The following DGKQ variants were observed in gnomAD, a reference collection of about 807,000 sequenced individuals.
The protein encoded by DGKQ is diacylglycerol kinase theta.
Under a neutral mutation model 104.2 loss-of-function variants are expected in DGKQ, and 97 were observed. That is an observed-to-expected ratio of 0.93 (90% CI 0.79 to 1.10). DGKQ has a LOEUF of 1.10. DGKQ is among the 50% of genes least tolerant of loss of function. The probability of loss-of-function intolerance (pLI) is 0.00; values close to 1 mark genes in which losing one functional copy is unlikely to be tolerated. For missense variants in DGKQ, 1,465 were observed against 1,352.1 expected, an observed-to-expected ratio of 1.08 and a Z score of -1.31; for synonymous variants, 736 against 595.2, an observed-to-expected ratio of 1.24 and a Z score of -3.44.
chr4:971,580 G>A lies in DGKQ; in HGVS notation c.272-508C>T, dbSNP rs1368867017. ...GTGAGGGCTCTGGGAGGCAGGAGCCGCTGGGGAGTGGACAGCCCCAAGCCT... is the reference window on the plus strand; with the variant it reads ...GTGAGGGCTCTGGGAGGCAGGAGCCACTGGGGAGTGGACAGCCCCAAGCCT... On this transcript the variant is annotated intron_variant, in intron 1 of 22. Transcript: ENST00000273814. The surrounding 1 kb of genome is among the most constrained non-coding windows in gnomAD (Gnocchi z 4.0). Among the ~76,000 whole-genome samples, 5 of 152,318 alleles carry A rather than the reference G, an allele frequency of 3.3e-5. No individual in the cohort carries two copies. The highest frequency in any genetic ancestry group is 1.9e-4 in the East Asian group (1 of 5,186).
chr4:963,567 C>A (rs1712055805), intron 15 of DGKQ, among the ~76,000 whole-genome samples: 1 of 152,236 alleles, frequency 6.6e-6, no homozygotes, highest in Non-Finnish European at 1.5e-5. Context: ...CACTGAGCTG[C>A]GTGTGAACAG....
At position 967,746 on chromosome 4, in the gene DGKQ, G is replaced by A; in HGVS notation, c.868C>T (p.Gln290Ter). 2.5e-6 allele frequency: 4 copies of A among 1,610,858 alleles called. No homozygotes were observed. The highest frequency in any genetic ancestry group is 3.4e-6 in the Non-Finnish European group (4 of 1,179,076). Residue 290 changes from glutamine (Q) to a stop codon, truncating the protein, a stop_gained, in exon 7 of 23, where the codon CAG becomes TAG. Transcript: ENST00000273814. LOFTEE classifies it high-confidence loss of function. ...SAAVGPGRETQATPESGKQTL... is the reference protein window; with the variant it reads ...SAAVGPGRET Reference sequence around the variant, plus strand: ...CACTTACCGGACTCCGGAGTTGCCTGTGTCTCTCTGCCTGGACCCACGGCA... The same window carrying A: ...CACTTACCGGACTCCGGAGTTGCCTATGTCTCTCTGCCTGGACCCACGGCA...
At position 961,475 on chromosome 4, in the gene DGKQ, C is replaced by T. The variant is rs201971574; in HGVS notation, c.2566G>A (p.Val856Met). The T allele has an allele frequency of 2.3e-4, 374 of 1,598,178 alleles. 7 individuals carry two copies. In the Admixed American group the frequency reaches 5.8e-3, roughly 25 times the overall value. The part of the protein sequence containing the change: ...LLEVVGVTGV[V>M]HMGQVQGGLR... ...CTCGGCCGGCGGCTCACCATGTGCA[C>T]GACGCCCGTCACGCCCACAACCTCC... The change falls in exon 21 of 23, where the codon GTG (valine) becomes ATG (methionine). Residue 856 changes from valine (V) to methionine (M), a missense_variant. Physicochemically the swap from Val to Met is conservative, Grantham distance 21. Transcript: ENST00000273814.
At chr4:969,002 C>A (rs1028298278) in intron 2 of DGKQ, 92 bp from the exon 3 acceptor site, 47 of 836,762 alleles carry the variant, frequency 5.6e-5, no homozygotes, top group Non-Finnish European at 7.6e-5. Context: ...CTCTGCAGCT[C>A]ACGCTCCTGC....
At position 967,006 on chromosome 4, in the gene DGKQ, G is replaced by A. The variant is rs13435712; in HGVS notation, c.1269C>T (p.Ala423=). Residue 423 remains alanine (A), a synonymous_variant, in exon 10 of 23, where the codon GCC becomes GCT. Coordinates refer to ENST00000273814, the MANE Select transcript of DGKQ (RefSeq NM_001347.4). ...VSVRVTPKST[A]RSVVLEVLPL... The stretch of plus-strand genomic sequence containing the variant: ...GCAGGACCTCCAGCACCACAGAGCG[G>A]GCCGTGCTCTTCGGGGTCACTCGCA... 8.0e-3 allele frequency: 12,531 copies of A among 1,565,530 alleles called. 586 individuals are homozygous for A. In the South Asian group the frequency reaches 0.093, roughly 12 times the overall value.
intron 2 of DGKQ, among the ~76,000 whole-genome samples, chr4:969,540 G>C (rs1712756510): frequency 6.6e-6 from 1 of 152,050 alleles, no homozygotes; most frequent in Admixed American, 6.5e-5. Context: ...TACACAGAAA[G>C]ACCGTGTTCC....
chr4:961,602 A>G (rs762711849), intron 20 of DGKQ, 24 bp from the exon 21 acceptor site: 50 of 1,609,970 alleles, frequency 3.1e-5, no homozygotes, highest in African/African-American at 1.3e-5. Flanking sequence ...GAGCGGGCAC[A>G]GAGGTGTAGG....
At position 960,251 on chromosome 4, in the gene DGKQ, C is replaced by T; in HGVS notation, c.*369G>A. ...AGATCAGACCCACCTGGACGGCCTGCATCCAGCACTGTCCAGCTCAAGGGG... is the reference window on the plus strand; with the variant it reads ...AGATCAGACCCACCTGGACGGCCTGTATCCAGCACTGTCCAGCTCAAGGGG... On this transcript the variant is annotated 3_prime_UTR_variant, in exon 23 of 23. Transcript: ENST00000273814. The T allele has an allele frequency of 7.7e-6, 2 of 258,364 alleles. No homozygotes were observed. The highest frequency in any genetic ancestry group is 1.5e-5 in the Non-Finnish European group (2 of 132,700). 16.0% of individuals were successfully genotyped at this position (258,364 alleles called of 1,614,324 possible). A position where few individuals can be genotyped will look rare whatever the true frequency, so the allele number is the denominator to read the frequency against.
Position 968,360 on chromosome 4 carries a change from C to G in DGKQ, c.585G>C (p.Ala195=), listed in dbSNP as rs373256439. 3 of 1,552,030 alleles carry G rather than the reference C, an allele frequency of 1.9e-6. No homozygotes were observed. Among genetic ancestry groups the G allele is most frequent in the Non-Finnish European group, 2.6e-6 (3 of 1,150,698 alleles). Residue 195 remains alanine, a synonymous_variant, in exon 5 of 23, where the codon GCG becomes GCC. Transcript: ENST00000273814. The part of the protein sequence containing the change: ...HWREGNLPSG[A]RCEVCRKTCG... ...ACGTCTTCCTGCAGACCTCGCAGCGCGCTCCCGAGGGCAGGTTCCCCTCCC... is the reference window on the plus strand; with the variant it reads ...ACGTCTTCCTGCAGACCTCGCAGCGGGCTCCCGAGGGCAGGTTCCCCTCCC...
intron 2 of DGKQ, 135 bp downstream of exon 2, chr4:970,858 G>T: frequency 1.6e-6 from 1 of 635,408 alleles, no homozygotes; most frequent in South Asian, 1.9e-5. Context: ...TTTTAATCCC[G>T]AGCAGTATCT....
chr4:966,340 T>C, intron 12 of DGKQ, 126 bp downstream of exon 12: 1 of 1,110,978 alleles, frequency 9.0e-7, no homozygotes, highest in Non-Finnish European at 1.3e-6. Flanking sequence ...GGCGCTGCCC[T>C]GTCAGCCAGG....
rs1255605677 is a variant in DGKQ at position 967,222 on chromosome 4, C to T, written c.1127G>A (p.Ser376Asn). ...TGGCGTGGCCTCGCCGGACCCGGGG[C>T]TTCTGCCCTCCTCCGAGATCACAGC... The part of the protein sequence containing the change: ...GSAVISEEGR[S>N]PGSGEATPEA... Residue 376 changes from serine to asparagine, a missense_variant, in exon 9 of 23, where the codon AGC (serine) becomes AAC (asparagine). Coordinates refer to ENST00000273814, the MANE Select transcript of DGKQ (RefSeq NM_001347.4). The T allele has an allele frequency of 9.5e-6, 15 of 1,578,994 alleles. No individual in the cohort carries two copies. Among genetic ancestry groups the T allele is most frequent in the African/African-American group, 1.3e-5 (1 of 74,342 alleles).
At chr4:973,150 G>A (rs1045359149) in intron 1 of DGKQ, 62 bp downstream of exon 1, 48 of 1,417,078 alleles carry the variant, frequency 3.4e-5, no homozygotes, top group Non-Finnish European at 4.2e-5. Context: ...CTCCGCTCAG[G>A]CTCCCGCCCA....
Position 967,029 on chromosome 4 carries a change from G to T in DGKQ, c.1246C>A (p.Arg416=), listed in dbSNP as rs369822480. 1.3e-6 allele frequency: 2 copies of T among 1,561,954 alleles called. No individual in the cohort carries two copies. The highest frequency in any genetic ancestry group is 1.9e-5 in the Admixed American group (1 of 53,412). ...CGGGCCGTGCTCTTCGGGGTCACTCGCACGGACACGTAGGCCACGCCCACC... is the reference window on the plus strand; with the variant it reads ...CGGGCCGTGCTCTTCGGGGTCACTCTCACGGACACGTAGGCCACGCCCACC... ...LKVGVAYVSV[R]VTPKSTARSV... is the part of the protein sequence containing the mutation. The change falls in exon 10 of 23, where the codon CGA becomes AGA. Residue 416 remains arginine (R), a synonymous_variant. Transcript: ENST00000273814.
rs1458431205 is a variant in DGKQ at position 960,305 on chromosome 4, C to A, written c.*315G>T. On this transcript the variant is annotated 3_prime_UTR_variant, in exon 23 of 23. Coordinates refer to ENST00000273814, the MANE Select transcript of DGKQ (RefSeq NM_001347.4). ...AGTGGGGAGAGGGATGGGTGCCCAC[C>A]CCTGAGGAGAGGACCAGGCCCCCAC... 2 of 443,246 alleles carry A rather than the reference C, an allele frequency of 4.5e-6. No homozygotes were observed. Among genetic ancestry groups the A allele is most frequent in the South Asian group, 3.1e-5 (1 of 32,044 alleles). The allele number at this position is 443,246 out of a possible 1,614,324, so 27.5% of individuals were successfully genotyped here.
intron 2 of DGKQ, among the ~76,000 whole-genome samples, chr4:970,646 G>A (rs576973340): frequency 7.5e-4 from 114 of 152,280 alleles, no homozygotes; most frequent in African/African-American, 1.5e-3. Flanking sequence ...GCCAGATGCC[G>A]AAATCTCCAT....
rs1440187990 is a variant in DGKQ at position 973,472 on chromosome 4, G to A, written c.11C>T (p.Ala4Val). 1.1e-4 allele frequency: 106 copies of A among 985,116 alleles called. No individual in the cohort carries two copies. The highest frequency in any genetic ancestry group is 1.2e-4 in the Non-Finnish European group (103 of 831,116). The allele number at this position is 985,116 out of a possible 1,614,324, so 61.0% of individuals were successfully genotyped here. A position where few individuals can be genotyped will look rare whatever the true frequency, so the allele number is the denominator to read the frequency against. Reference sequence around the variant, plus strand: ...CCAGGCGCGGGCCCCGGGCTCGGCCGCCGCCGCCATTCCCGGCCCGAGCGG... The same window carrying A: ...CCAGGCGCGGGCCCCGGGCTCGGCCACCGCCGCCATTCCCGGCCCGAGCGG... MAA[A>V]AEPGARAWLG... The change falls in exon 1 of 23, where the codon GCG (alanine) becomes GTG (valine). Residue 4 changes from alanine to valine, a missense_variant. Coordinates refer to ENST00000273814, the MANE Select transcript of DGKQ (RefSeq NM_001347.4).
chr4:968,264 C>T lies in DGKQ; in HGVS notation c.663+18G>A, dbSNP rs1449678864. 7.6e-6 allele frequency: 11 copies of T among 1,442,552 alleles called. No individual in the cohort carries two copies. The highest frequency in any genetic ancestry group is 2.4e-4 in the Middle Eastern group (1 of 4,096). 89.4% of individuals were successfully genotyped at this position (1,442,552 alleles called of 1,614,324 possible). A position where few individuals can be genotyped will look rare whatever the true frequency, so the allele number is the denominator to read the frequency against. ...CTCTCCTGCCCCACCCCCACCCCCT[C>T]GACTTCCCAGCGCCCACCTGGACCC... On this transcript the variant is annotated intron_variant, in intron 5 of 22. Coordinates refer to ENST00000273814, the MANE Select transcript of DGKQ (RefSeq NM_001347.4).
At chr4:966,108 CG>C in intron 12 of DGKQ, 30 bp from the exon 13 acceptor site, 1 of 1,569,050 alleles carries the variant, frequency 6.4e-7, no homozygotes, top group Non-Finnish European at 8.7e-7. Flanking sequence ...GATGCTGGGC[CG>C]GGGAGAACGG....
Sources: gnomAD v4.1 joint callset for allele counts (sites outside exome capture counted in the v4.1 genomes callset) on GRCh38, gnomAD v4.1.1 for gene constraint, Gnocchi (gnomAD v3.1) non-coding constraint, MANE v1.5 for transcripts, NCBI Gene and HGNC (gene_info 2026-07-23, HGNC 2026-07-21) for gene names.